NAV3: variants seen among roughly 807,000 people sequenced by gnomAD.
The protein encoded by NAV3 is pore membrane and/or filament interacting like protein 1.
A neutral mutation model predicts 244.7 loss-of-function variants in NAV3; 87 were observed. The observed-to-expected ratio is 0.36, with a 90% CI of 0.30 to 0.42. The LOEUF is 0.42. Ranked by LOEUF, NAV3 falls within the 20% of genes least tolerant of loss-of-function variation. The pLI is 1.00. For synonymous variants in NAV3, 1,126 were observed against 1,042.2 expected (o/e 1.08, Z -1.55); for missense variants, 2,663 against 2,893.3 (o/e 0.92, Z 1.83).
chr12:78,155,489 A>T (rs1957267114), intron 22 of NAV3, among the ~76,000 whole-genome samples: 1 of 152,132 alleles, frequency 6.6e-6, no homozygotes, highest in South Asian at 2.1e-4. Context: ...TAATGCATGC[A>T]GGTATCTTTA....
At chr12:78,193,251 C>G (rs557314550) in intron 34 of NAV3, among the ~76,000 whole-genome samples, 1 of 152,330 alleles carries the variant, frequency 6.6e-6, no homozygotes, top group Admixed American at 6.5e-5. Context: ...CAAGCCCTCC[C>G]TCAAGCTGCC....
At chr12:77,852,781 G>T (rs570107344) in intron 1 of NAV3, among the ~76,000 whole-genome samples, 1 of 152,256 alleles carries the variant, frequency 6.6e-6, no homozygotes, top group African/African-American at 2.4e-5. Flanking sequence ...TACAATTGCT[G>T]TCTGACATTT....
intron 9 of NAV3, among the ~76,000 whole-genome samples, chr12:78,028,419 G>A (rs899335988): frequency 1.3e-5 from 2 of 152,126 alleles, no homozygotes; most frequent in African/African-American, 2.4e-5. Flanking sequence ...GATCATTGCC[G>A]ATGAAAAACT....
intron 2 of NAV3, among the ~76,000 whole-genome samples, chr12:77,681,797 C>T (rs1874482421): frequency 6.6e-6 from 1 of 152,148 alleles, no homozygotes. Context: ...ATACCTCTCT[C>T]TCCCAGAGGA....
At position 77,768,937 on chromosome 12, in the gene NAV3, T is replaced by G. The variant is rs141973318; in HGVS notation, c.73-171382T>G. 2.9e-3 allele frequency among the ~76,000 whole-genome samples: 435 copies of G among 152,332 alleles called. 4 individuals carry two copies. Among genetic ancestry groups the G allele is most frequent in the African/African-American group, 9.9e-3 (413 of 41,576 alleles). On this transcript the variant is annotated intron_variant, in intron 2 of 8. Coordinates refer to the NAV3 transcript ENST00000550042. Reference sequence around the variant, plus strand: ...TACTCTCTTCTTCCTTAAATTAATTTTACTCATCAACATTGCCCTTCCTCA... The same window carrying G: ...TACTCTCTTCTTCCTTAAATTAATTGTACTCATCAACATTGCCCTTCCTCA...
chr12:78,175,628 G>A (rs888134366), intron 25 of NAV3, among the ~76,000 whole-genome samples: 6 of 151,938 alleles, frequency 3.9e-5, no homozygotes, highest in African/African-American at 1.4e-4. Flanking sequence ...CTAAACTTGG[G>A]TTTGAATCAC....
intron 1 of NAV3, among the ~76,000 whole-genome samples, chr12:77,847,203 G>A (rs1876791128): frequency 6.6e-6 from 1 of 152,176 alleles, no homozygotes; most frequent in Non-Finnish European, 1.5e-5. Context: ...GTACAAAGAG[G>A]AAGAGAGCAT....
At chr12:77,689,777 A>G (rs976820827) in intron 2 of NAV3, among the ~76,000 whole-genome samples, 1 of 151,932 alleles carries the variant, frequency 6.6e-6, no homozygotes, top group Non-Finnish European at 1.5e-5. Flanking sequence ...AATAATTAAA[A>G]TGGGAAGTAA....
At chr12:78,141,556 C>G (rs1430124777) in intron 20 of NAV3, among the ~76,000 whole-genome samples, 1 of 152,014 alleles carries the variant, frequency 6.6e-6, no homozygotes, top group Non-Finnish European at 1.5e-5. Flanking sequence ...TTTGTTTGAA[C>G]CTTCTCTTTA....
chr12:77,861,056 C>T (rs556539835), intron 1 of NAV3, among the ~76,000 whole-genome samples: 5 of 151,872 alleles, frequency 3.3e-5, no homozygotes, highest in South Asian at 2.1e-4. Context: ...AAATTTGTCC[C>T]GAGCATTCAT....
intron 12 of NAV3, among the ~76,000 whole-genome samples, chr12:78,114,928 A>ACACAC (rs1955296271): frequency 6.6e-6 from 1 of 152,204 alleles, no homozygotes; most frequent in Admixed American, 6.5e-5. Flanking sequence ...CAAGCAAAAT[A>ACACAC]CACACCTAGA....
chr12:77,753,612 G>C (rs992886006), intron 2 of NAV3, among the ~76,000 whole-genome samples: 2 of 152,150 alleles, frequency 1.3e-5, no homozygotes, highest in African/African-American at 4.8e-5. Flanking sequence ...CATTAAAAAT[G>C]AGGTGTTTTA....
intron 1 of NAV3, among the ~76,000 whole-genome samples, chr12:77,912,606 G>A (rs2137061246): frequency 6.6e-6 from 1 of 150,650 alleles, no homozygotes; most frequent in South Asian, 2.1e-4. Flanking sequence ...TATTATCTTT[G>A]TAGTTTTGTG....
At chr12:77,898,561 GT>G (rs1357275402) in intron 1 of NAV3, among the ~76,000 whole-genome samples, 1 of 152,200 alleles carries the variant, frequency 6.6e-6, no homozygotes, top group Non-Finnish European at 1.5e-5. Context: ...ATTATTCACT[GT>G]TTTAGGCAAA....
At chr12:77,846,469 G>A (rs1876652104) in intron 1 of NAV3, among the ~76,000 whole-genome samples, 1 of 152,208 alleles carries the variant, frequency 6.6e-6, no homozygotes, top group African/African-American at 2.4e-5. Context: ...GTTATCTTCA[G>A]ACTGTGCTGA....
At chr12:77,718,423 C>T (rs1431300154) in intron 2 of NAV3, among the ~76,000 whole-genome samples, 1 of 152,054 alleles carries the variant, frequency 6.6e-6, no homozygotes, top group Non-Finnish European at 1.5e-5. Context: ...TATTCTGCTC[C>T]ATTGGTTTAT....
intron 1 of NAV3, among the ~76,000 whole-genome samples, chr12:77,852,049 C>T (rs1877613440): frequency 6.6e-6 from 1 of 152,148 alleles, no homozygotes; most frequent in Non-Finnish European, 1.5e-5. Context: ...GAAGTAAGAA[C>T]TATTACTACA....
intron 2 of NAV3, among the ~76,000 whole-genome samples, chr12:77,676,807 T>C (rs1874228130): frequency 6.6e-6 from 1 of 151,922 alleles, no homozygotes; most frequent in Non-Finnish European, 1.5e-5. Flanking sequence ...CAGGCATGGA[T>C]TGAGGAGAAA....
At chr12:77,743,887 A>C (rs909662798) in intron 2 of NAV3, among the ~76,000 whole-genome samples, 1 of 151,860 alleles carries the variant, frequency 6.6e-6, no homozygotes, top group Admixed American at 6.6e-5. Context: ...GTATAATACA[A>C]GAAGAAGAGG....
Sources: allele counts gnomAD v4.1 joint callset (sites outside exome capture counted in the v4.1 genomes callset), GRCh38; gene constraint gnomAD v4.1.1; transcripts MANE v1.5; gene names NCBI Gene and HGNC (gene_info 2026-07-23, HGNC 2026-07-21).